The following PDE10A variants were observed in gnomAD, a reference collection of about 807,000 sequenced individuals.
PDE10A encodes phosphodiesterase 10A.
A neutral mutation model predicts 97.7 loss-of-function variants in PDE10A; 39 were observed. The observed-to-expected ratio is 0.40, with a 90% CI of 0.31 to 0.52. PDE10A has a LOEUF of 0.52. PDE10A is among the 20% of genes least tolerant of loss of function. PDE10A has a pLI of 0.56. For synonymous variants in PDE10A, 371 were observed against 376.8 expected, an observed-to-expected ratio of 0.98 and a Z score of 0.18; for missense variants, 731 against 1,047.8, an observed-to-expected ratio of 0.70 and a Z score of 4.17.
At chr6:165,968,687 T>G (rs1784585623) in intron 1 of PDE10A, among the ~76,000 whole-genome samples, 1 of 152,224 alleles carries the variant, frequency 6.6e-6, no homozygotes, top group African/African-American at 2.4e-5. Flanking sequence ...TTTAAAATGT[T>G]TTGAAGATGA....
intron 1 of PDE10A, among the ~76,000 whole-genome samples, chr6:165,896,275 A>G (rs1781945740): frequency 6.6e-6 from 1 of 152,126 alleles, no homozygotes; most frequent in Admixed American, 6.5e-5. Context: ...ACTGTGAGAT[A>G]TTGAGGACAG....
At chr6:165,507,333 A>C (rs1313513217) in intron 2 of PDE10A, among the ~76,000 whole-genome samples, 1 of 152,056 alleles carries the variant, frequency 6.6e-6, no homozygotes, top group Non-Finnish European at 1.5e-5. Flanking sequence ...TACAAGGAGG[A>C]AGGGCTTTAG....
At chr6:165,977,709 A>G (rs919794606) in intron 1 of PDE10A, among the ~76,000 whole-genome samples, 1 of 152,230 alleles carries the variant, frequency 6.6e-6, no homozygotes, top group African/African-American at 2.4e-5. Context: ...AGAACATTAA[A>G]CAAATTATTA....
chr6:165,849,350 G>C (rs573339180), intron 1 of PDE10A, among the ~76,000 whole-genome samples: 1 of 152,228 alleles, frequency 6.6e-6, no homozygotes, highest in South Asian at 2.1e-4. Flanking sequence ...ACCTTTTTCT[G>C]TCTCTGCAGT....
At chr6:165,682,565 GC>G (rs1791005567) in intron 1 of PDE10A, among the ~76,000 whole-genome samples, 1 of 152,078 alleles carries the variant, frequency 6.6e-6, no homozygotes, top group Non-Finnish European at 1.5e-5. Flanking sequence ...GACGCCAGAG[GC>G]CCCCTTTGCC....
At chr6:165,867,413 A>T (rs1308210078) in intron 1 of PDE10A, among the ~76,000 whole-genome samples, 1 of 152,014 alleles carries the variant, frequency 6.6e-6, no homozygotes, top group Non-Finnish European at 1.5e-5. Flanking sequence ...TCTAAAAACA[A>T]AACAAAAAAA....
intron 2 of PDE10A, among the ~76,000 whole-genome samples, chr6:165,498,438 A>C (rs1780673136): frequency 1.1e-5 from 1 of 88,722 alleles, no homozygotes; most frequent in African/African-American, 5.0e-5. Context: ...AAAAAAAAAA[A>C]AAAAAAAAAA....
At chr6:165,801,476 C>A (rs1354773247) in intron 1 of PDE10A, among the ~76,000 whole-genome samples, 1 of 152,114 alleles carries the variant, frequency 6.6e-6, no homozygotes, top group African/African-American at 2.4e-5. Flanking sequence ...ACTCAGGAGG[C>A]AGAGGTTGTG....
intron 2 of PDE10A, among the ~76,000 whole-genome samples, chr6:165,533,452 T>C (rs1562556217): frequency 6.6e-6 from 1 of 152,162 alleles, no homozygotes; most frequent in Non-Finnish European, 1.5e-5. Flanking sequence ...CAATGGTAAG[T>C]ATCTGTGTGT....
At position 165,332,805 on chromosome 6, in the gene PDE10A, T is replaced by C. The variant is rs944766344; in HGVS notation, c.*220A>G. 7 of 489,136 alleles carry C rather than the reference T, an allele frequency of 1.4e-5. No homozygotes were observed. Among genetic ancestry groups the C allele is most frequent in the African/African-American group, 1.2e-4 (6 of 50,048 alleles). The allele number at this position is 489,136 out of a possible 1,614,324, so 30.3% of individuals were successfully genotyped here. ...CACTTGGCCAGCTGATTTCTGAACG[T>C]GGGGGTGGTCCTGGTTGCTCAGTGT... On this transcript the variant is annotated 3_prime_UTR_variant, in exon 22 of 22. Transcript: ENST00000539869.
chr6:165,544,085 G>A (rs965412484), intron 1 of PDE10A, among the ~76,000 whole-genome samples: 2 of 152,144 alleles, frequency 1.3e-5, no homozygotes, highest in Non-Finnish European at 2.9e-5. Flanking sequence ...AGTGGTCAAA[G>A]CAAGTGAAAC....
intron 2 of PDE10A, among the ~76,000 whole-genome samples, chr6:165,502,477 G>A (rs1002896231): frequency 2.0e-5 from 3 of 152,156 alleles, no homozygotes; most frequent in African/African-American, 7.2e-5. Context: ...CACAAATGAT[G>A]ATGCAGAAAT....
rs1583153350 is a variant in PDE10A, at chr6:165,826,095, C to G, written c.-615+161434G>C. ...AGAACAGCTTTCTGTGTCCCAGCCT[C>G]AGCTTGGACACTTCCTGCTTTTCTC... On this transcript the variant is annotated intron_variant, in intron 1 of 19. Transcript: ENST00000366882. Among the ~76,000 whole-genome samples the G allele has an allele frequency of 2.6e-5, 4 of 152,364 alleles. No homozygotes were observed. The South Asian group carries it at 8.3e-4, about 32-fold the overall frequency.
At chr6:165,469,136 T>G (rs1167317661) in intron 3 of PDE10A, among the ~76,000 whole-genome samples, 4 of 152,252 alleles carry the variant, frequency 2.6e-5, no homozygotes, top group Admixed American at 2.6e-4. Context: ...GATATGCATC[T>G]TCTATGTATC....
At chr6:165,651,180 C>T (rs576643864) in intron 1 of PDE10A, among the ~76,000 whole-genome samples, 5 of 152,316 alleles carry the variant, frequency 3.3e-5, no homozygotes, top group Admixed American at 6.5e-5. Flanking sequence ...TGAATATTTG[C>T]AAATGTCACA....
intron 18 of PDE10A, among the ~76,000 whole-genome samples, chr6:165,354,898 T>C (rs1782928350): frequency 6.6e-6 from 1 of 152,196 alleles, no homozygotes. Context: ...TGGCTTGTGT[T>C]AGGCAATTCC....
chr6:165,760,924 AG>A (rs1241840658), intron 1 of PDE10A, among the ~76,000 whole-genome samples: 1 of 152,146 alleles, frequency 6.6e-6, no homozygotes, highest in Non-Finnish European at 1.5e-5. Context: ...GCTAGGAGAG[AG>A]GACTGAAAGT....
At chr6:165,973,443 A>G (rs758068887) in intron 1 of PDE10A, among the ~76,000 whole-genome samples, 20 of 151,974 alleles carry the variant, frequency 1.3e-4, no homozygotes, top group Non-Finnish European at 2.6e-4. Context: ...TAAAAAAGTG[A>G]TGGAATTGAG....
chr6:165,362,815 C>T (rs911817653), intron 18 of PDE10A, among the ~76,000 whole-genome samples: 3 of 152,082 alleles, frequency 2.0e-5, no homozygotes, highest in Non-Finnish European at 2.9e-5. Context: ...ATGTCCTCAA[C>T]GAAATATCAT....
Sources: allele counts gnomAD v4.1 joint callset (sites outside exome capture counted in the v4.1 genomes callset), GRCh38; gene constraint gnomAD v4.1.1; transcripts MANE v1.5; gene names NCBI Gene and HGNC (gene_info 2026-07-23, HGNC 2026-07-21).